HTR7: variants seen among roughly 807,000 people sequenced by gnomAD.
The protein encoded by HTR7 is 5-hydroxytryptamine receptor 7, also known as 5-HT-7.
A neutral mutation model predicts 34.0 loss-of-function variants in HTR7; 16 were observed. The ratio of observed to expected loss-of-function variants is 0.47; its 90% CI spans 0.32 to 0.71. The LOEUF is 0.71. Among genes scored for constraint, HTR7 ranks in the 30% least tolerant of loss-of-function variants. The probability of loss-of-function intolerance (pLI) is 0.04; values close to 1 mark genes in which losing one functional copy is unlikely to be tolerated. For synonymous variants in HTR7, 265 were observed against 260.2 expected (o/e 1.02, Z -0.18); for missense variants, 504 against 625.5 (o/e 0.81, Z 2.07).
At chr10:90,744,420 T>G (rs1844603601) in intron 2 of HTR7, among the ~76,000 whole-genome samples, 1 of 151,848 alleles carries the variant, frequency 6.6e-6, no homozygotes, top group African/African-American at 2.4e-5. Flanking sequence ...TTTTCTACAT[T>G]TGGAGTTATC....
chr10:90,797,151 C>G (rs767246550), intron 1 of HTR7, among the ~76,000 whole-genome samples: 1 of 152,144 alleles, frequency 6.6e-6, no homozygotes, highest in Non-Finnish European at 1.5e-5. Flanking sequence ...TTCTCCAACA[C>G]TGGGTCCAAA....
chr10:90,820,479 T>C (rs1238376136), intron 1 of HTR7, among the ~76,000 whole-genome samples: 2 of 152,210 alleles, frequency 1.3e-5, no homozygotes, highest in Non-Finnish European at 2.9e-5. Flanking sequence ...CAAAGGGGGA[T>C]ACCTGCTGTA....
At chr10:90,836,440 T>A (rs1392382032) in intron 1 of HTR7, among the ~76,000 whole-genome samples, 5 of 152,176 alleles carry the variant, frequency 3.3e-5, no homozygotes, top group African/African-American at 1.2e-4. Flanking sequence ...TTAATAACAA[T>A]GCTGCCTGTC....
At chr10:90,848,069 CT>C (rs61675028) in intron 1 of HTR7, among the ~76,000 whole-genome samples, 9,610 of 111,976 alleles carry the variant, frequency 0.086, 197 homozygotes, top group East Asian at 0.16. Context: ...TCTCTTTGTT[CT>C]TTTTTTTTTT....
At chr10:90,828,517 A>G (rs1846114296) in intron 1 of HTR7, among the ~76,000 whole-genome samples, 1 of 152,124 alleles carries the variant, frequency 6.6e-6, no homozygotes, top group African/African-American at 2.4e-5. Flanking sequence ...ATGAAAAAGA[A>G]AGGCATTATA....
At chr10:90,757,928 C>T (rs1285377482) in intron 1 of HTR7, among the ~76,000 whole-genome samples, 1 of 152,038 alleles carries the variant, frequency 6.6e-6, no homozygotes, top group Non-Finnish European at 1.5e-5. Context: ...GAAGTAGAGG[C>T]TCAAAGATGT....
chr10:90,827,745 C>T (rs1424661802), intron 1 of HTR7, among the ~76,000 whole-genome samples: 2 of 152,144 alleles, frequency 1.3e-5, no homozygotes, highest in African/African-American at 2.4e-5. Flanking sequence ...AATGTTAGCG[C>T]TAAACAGAGA....
chr10:90,760,169 C>G (rs990215698), intron 1 of HTR7, among the ~76,000 whole-genome samples: 1 of 152,166 alleles, frequency 6.6e-6, no homozygotes, highest in Non-Finnish European at 1.5e-5. Flanking sequence ...CAATTAAATA[C>G]TATTCAGCCA....
intron 1 of HTR7, among the ~76,000 whole-genome samples, chr10:90,852,692 A>G (rs774108924): frequency 6.6e-6 from 1 of 152,204 alleles, no homozygotes; most frequent in Non-Finnish European, 1.5e-5. Flanking sequence ...CTGATAGGCT[A>G]AAAACTACAG....
At chr10:90,825,897 T>C (rs1452409629) in intron 1 of HTR7, among the ~76,000 whole-genome samples, 1 of 152,148 alleles carries the variant, frequency 6.6e-6, no homozygotes, top group Admixed American at 6.5e-5. Flanking sequence ...TAAGAGTCAC[T>C]GGCCTTAAAG....
intron 1 of HTR7, among the ~76,000 whole-genome samples, chr10:90,850,516 A>G (rs1222943915): frequency 6.6e-6 from 1 of 152,244 alleles, no homozygotes; most frequent in African/African-American, 2.4e-5. Context: ...AGGCATGCCA[A>G]GACACAGACC....
At chr10:90,824,900 G>C (rs1278875535) in intron 1 of HTR7, among the ~76,000 whole-genome samples, 2 of 152,212 alleles carry the variant, frequency 1.3e-5, no homozygotes, top group African/African-American at 4.8e-5. Context: ...GGGCCCATCT[G>C]GGGCCCTGGG....
Position 90,742,490 on chromosome 10 carries a change from G to C in HTR7, c.1432C>G (p.His478Asp). 1 of 1,600,206 alleles carries C rather than the reference G, an allele frequency of 6.2e-7. No homozygotes were observed. The highest frequency in any genetic ancestry group is 8.5e-7 in the Non-Finnish European group (1 of 1,174,130). Residue 478 changes from histidine (H) to aspartate (D), a missense_variant, in exon 4 of 4, where the codon CAT (histidine) becomes GAT (aspartate). Transcript: ENST00000336152. Reference protein sequence around the residue: ...LTTVEKKVMIHD With the variant: ...LTTVEKKVMIDD ...TCTCCATTGTTCTGCTTTCAATCAT[G>C]AATCATGACCTTTTTTTCTACAGTA...
chr10:90,762,190 ATT>A (rs1325419774), intron 1 of HTR7, among the ~76,000 whole-genome samples: 1 of 150,518 alleles, frequency 6.6e-6, no homozygotes, highest in Non-Finnish European at 1.5e-5. Context: ...TTGTATTTTT[ATT>A]TTTTAAGGAA....
chr10:90,827,726 T>C (rs1206131227), intron 1 of HTR7, among the ~76,000 whole-genome samples: 1 of 152,092 alleles, frequency 6.6e-6, no homozygotes, highest in Non-Finnish European at 1.5e-5. Context: ...TACCCAGATA[T>C]ATAAAGAAAA....
intron 1 of HTR7, among the ~76,000 whole-genome samples, chr10:90,848,068 T>TC (rs1429590869): frequency 3.3e-4 from 47 of 142,152 alleles, no homozygotes; most frequent in African/African-American, 1.3e-3. Flanking sequence ...CTCTCTTTGT[T>TC]CTTTTTTTTT....
chr10:90,755,037 C>T (rs1844814899), intron 1 of HTR7, among the ~76,000 whole-genome samples: 1 of 152,180 alleles, frequency 6.6e-6, no homozygotes, highest in Admixed American at 6.5e-5. Flanking sequence ...TATTCTCATT[C>T]AAGGATTGGA....
chr10:90,840,125 CCTCTCCAT>C (rs1236847307), intron 1 of HTR7, among the ~76,000 whole-genome samples: 2 of 151,036 alleles, frequency 1.3e-5, no homozygotes, highest in African/African-American at 4.9e-5. Context: ...TTTCCTCTCT[CCTCTCCAT>C]CTCTCCATCT....
intron 1 of HTR7, among the ~76,000 whole-genome samples, chr10:90,755,868 A>G (rs899385732): frequency 6.6e-6 from 1 of 152,270 alleles, no homozygotes; most frequent in Non-Finnish European, 1.5e-5. Context: ...AATTCCAAGT[A>G]TATAATGAAC....
Sources: allele counts gnomAD v4.1 joint callset (sites outside exome capture counted in the v4.1 genomes callset), GRCh38; gene constraint gnomAD v4.1.1; transcripts MANE v1.5; gene names NCBI Gene and HGNC (gene_info 2026-07-23, HGNC 2026-07-21).